CEP85L: variants seen among roughly 807,000 people sequenced by gnomAD.
The protein encoded by CEP85L is centrosomal protein 85L, also known as centrosomal protein of 85 kDa-like.
CEP85L carries 60 observed loss-of-function variants against 100.3 expected under a neutral mutation model. That is an observed-to-expected ratio of 0.60 (90% CI 0.49 to 0.74). The LOEUF is 0.74. Among genes scored for constraint, CEP85L ranks in the 30% least tolerant of loss-of-function variants. CEP85L has a pLI of 0.00. For missense variants in CEP85L, 973 were observed against 936.2 expected, an observed-to-expected ratio of 1.04 and a Z score of -0.51; for synonymous variants, 319 against 322.7, an observed-to-expected ratio of 0.99 and a Z score of 0.12.
At chr6:118,476,635 T>C (rs73524117) in intron 10 of CEP85L, among the ~76,000 whole-genome samples, 15 of 152,312 alleles carry the variant, frequency 9.8e-5, no homozygotes, top group African/African-American at 3.6e-4. Flanking sequence ...TTTATGAGAT[T>C]TGCTAAAAAT....
At position 118,511,278 on chromosome 6, in the gene CEP85L, A is replaced by C. The variant is rs1209439401; in HGVS notation, c.1257+20T>G. 1.3e-6 allele frequency: 2 copies of C among 1,494,540 alleles called. No individual in the cohort carries two copies. The highest frequency in any genetic ancestry group is 2.3e-5 in the South Asian group (2 of 87,928). The allele number at this position is 1,494,540 out of a possible 1,614,324, so 92.6% of individuals were successfully genotyped here. A position where few individuals can be genotyped will look rare whatever the true frequency, so the allele number is the denominator to read the frequency against. On this transcript the variant is annotated intron_variant, in intron 5 of 12. Coordinates refer to ENST00000368491, the MANE Select transcript of CEP85L (RefSeq NM_001042475.3). ...CAAGCTTTACTACTAAAACAGCTAC[A>C]AAATCCTCTGTAATCTTACCTGCAA...
At chr6:118,600,427 TCTC>T (rs1371359466) in intron 2 of CEP85L, among the ~76,000 whole-genome samples, 1 of 147,786 alleles carries the variant, frequency 6.8e-6, no homozygotes, top group Non-Finnish European at 1.5e-5. Flanking sequence ...TTCAAGCAAT[TCTC>T]CTGTCTCAGC....
chr6:118,672,567 AC>A (rs1776340307), intron 1 of CEP85L, among the ~76,000 whole-genome samples: 1 of 152,024 alleles, frequency 6.6e-6, no homozygotes, highest in African/African-American at 2.4e-5. Flanking sequence ...GCAGTTCGAG[AC>A]CAGCCTGGGC....
chr6:118,699,687 C>T (rs940383741), intron 1 of CEP85L, among the ~76,000 whole-genome samples: 2 of 151,674 alleles, frequency 1.3e-5, no homozygotes, highest in Non-Finnish European at 2.9e-5. Context: ...ATTATTATTA[C>T]TACTATTATT....
chr6:118,511,555 C>G (rs1775972229), intron 4 of CEP85L, 140 bp from the exon 5 acceptor site: 1 of 562,584 alleles, frequency 1.8e-6, no homozygotes, highest in Non-Finnish European at 3.1e-6. Context: ...TTCAACAACT[C>G]ATAGCTTGCT....
At chr6:118,651,114 G>A in intron 1 of CEP85L, 83 bp downstream of exon 1, 1 of 1,426,316 alleles carries the variant, frequency 7.0e-7, no homozygotes, top group Non-Finnish European at 9.1e-7. Flanking sequence ...GGCCTGAGGC[G>A]GGAGGGGAGC....
intron 2 of CEP85L, among the ~76,000 whole-genome samples, chr6:118,594,303 T>C (rs190612797): frequency 1.9e-3 from 284 of 152,350 alleles, no homozygotes; most frequent in Non-Finnish European, 3.1e-3. Context: ...TTCTGATATA[T>C]ATCCACAGGA....
rs1772326594 is a variant in CEP85L at position 118,463,355 on chromosome 6, A to C, written c.*2050T>G. The C allele has an allele frequency of 6.6e-6, 1 of 151,970 alleles. No homozygotes were observed. Among genetic ancestry groups the C allele is most frequent in the African/African-American group, 2.4e-5 (1 of 41,416 alleles). The allele number at this position is 151,970 out of a possible 1,614,324, so 9.4% of individuals were successfully genotyped here. Reference sequence around the variant, plus strand: ...CTGGTCCAATTAGTGATTGTTTGCCAATTTGTTCTATTATTTTAGGAAGCC... The same window carrying C: ...CTGGTCCAATTAGTGATTGTTTGCCCATTTGTTCTATTATTTTAGGAAGCC... On this transcript the variant is annotated 3_prime_UTR_variant, in exon 13 of 13. Transcript: ENST00000368491.
intron 4 of CEP85L, among the ~76,000 whole-genome samples, chr6:118,515,640 T>C (rs893208427): frequency 2.6e-5 from 4 of 152,174 alleles, no homozygotes; most frequent in African/African-American, 4.8e-5. Flanking sequence ...TAATTGTAAA[T>C]AACTTTAGGG....
At chr6:118,493,244 T>C (rs543975369) in intron 5 of CEP85L, among the ~76,000 whole-genome samples, 1 of 152,290 alleles carries the variant, frequency 6.6e-6, no homozygotes, top group South Asian at 2.1e-4. Flanking sequence ...AAAAAGTAGA[T>C]ACAGAGAGTT....
intron 5 of CEP85L, among the ~76,000 whole-genome samples, chr6:118,498,595 TAAA>T (rs66813095): frequency 9.7e-5 from 10 of 102,928 alleles, no homozygotes; most frequent in African/African-American, 2.2e-4. Context: ...CCCAATCTGT[TAAA>T]AAAAAAAAAA....
intron 1 of CEP85L, among the ~76,000 whole-genome samples, chr6:118,687,985 A>G (rs953808304): frequency 6.6e-6 from 1 of 152,124 alleles, no homozygotes; most frequent in Non-Finnish European, 1.5e-5. Flanking sequence ...ATAGAGCTAT[A>G]ACACTCACCG....
intron 1 of CEP85L, among the ~76,000 whole-genome samples, chr6:118,705,168 T>G (rs1454209080): frequency 6.6e-6 from 1 of 152,176 alleles, no homozygotes; most frequent in African/African-American, 2.4e-5. Context: ...ACTTATTTCT[T>G]CTGTTTTAAT....
chr6:118,617,776 G>T (rs1773163233), intron 2 of CEP85L, among the ~76,000 whole-genome samples: 1 of 152,124 alleles, frequency 6.6e-6, no homozygotes, highest in African/African-American at 2.4e-5. Context: ...GGCGTGGCTA[G>T]GCAAAGAACC....
intron 2 of CEP85L, among the ~76,000 whole-genome samples, chr6:118,586,176 G>A (rs879395699): frequency 6.6e-6 from 1 of 152,070 alleles, no homozygotes; most frequent in Non-Finnish European, 1.5e-5. Context: ...AGACACACCA[G>A]AAAATTGTCC....
At chr6:118,603,042 G>A (rs749007210) in intron 2 of CEP85L, among the ~76,000 whole-genome samples, 27 of 152,158 alleles carry the variant, frequency 1.8e-4, no homozygotes, top group Middle Eastern at 3.4e-3. Flanking sequence ...GGCTGGTCTC[G>A]AACTCCTGAC....
chr6:118,626,330 C>T (rs1773792318), intron 2 of CEP85L, among the ~76,000 whole-genome samples: 1 of 152,134 alleles, frequency 6.6e-6, no homozygotes, highest in Non-Finnish European at 1.5e-5. Flanking sequence ...CCCACTCCTC[C>T]CCTGCCAAAA....
At chr6:118,527,147 T>C (rs531622169) in intron 3 of CEP85L, among the ~76,000 whole-genome samples, 3 of 152,064 alleles carry the variant, frequency 2.0e-5, no homozygotes, top group African/African-American at 7.2e-5. Flanking sequence ...CCTGAGTAGC[T>C]GGCTGTAGAA....
intron 1 of CEP85L, among the ~76,000 whole-genome samples, chr6:118,692,659 CA>C (rs1304682499): frequency 8.1e-6 from 1 of 122,788 alleles, no homozygotes. Context: ...AGAAAAGCAA[CA>C]ATGCTCAATT....
Sources: allele counts gnomAD v4.1 joint callset (sites outside exome capture counted in the v4.1 genomes callset), GRCh38; gene constraint gnomAD v4.1.1; transcripts MANE v1.5; gene names NCBI Gene and HGNC (gene_info 2026-07-23, HGNC 2026-07-21).